TMEM232: variants seen among roughly 807,000 people sequenced by gnomAD.
TMEM232 encodes transmembrane protein 232.
In TMEM232, 80 loss-of-function variants were observed where a neutral mutation model predicts 78.8. The ratio of observed to expected loss-of-function variants is 1.01; its 90% confidence interval spans 0.85 to 1.22. The LOEUF (loss-of-function observed/expected upper bound fraction) is 1.22, where lower values mean the gene tolerates loss of function less well. Among genes scored for constraint, TMEM232 ranks in the 50% most tolerant of loss-of-function variants. TMEM232 has a pLI of 0.00. For missense variants in TMEM232, 881 were observed against 742.2 expected, an observed-to-expected ratio of 1.19 and a Z score of -2.17; for synonymous variants, 297 against 254.3, an observed-to-expected ratio of 1.17 and a Z score of -1.60.
At chr5:110,630,442 A>G (rs779123525) in intron 5 of TMEM232, among the ~76,000 whole-genome samples, 8 of 152,178 alleles carry the variant, frequency 5.3e-5, no homozygotes, top group Non-Finnish European at 8.8e-5. Flanking sequence ...ATCTCGAACT[A>G]TAATCTCACA....
At chr5:110,402,716 T>C (rs1755647554) in intron 2 of TMEM232, among the ~76,000 whole-genome samples, 1 of 152,124 alleles carries the variant, frequency 6.6e-6, no homozygotes, top group Admixed American at 6.6e-5. Context: ...GTTTTTGTTT[T>C]CTTATTCTTT....
intron 2 of TMEM232, among the ~76,000 whole-genome samples, chr5:110,651,484 G>A (rs1025046666): frequency 6.7e-6 from 1 of 149,124 alleles, no homozygotes; most frequent in Non-Finnish European, 1.5e-5. Flanking sequence ...AGGAGGGAGG[G>A]AGGGAAAGAA....
intron 2 of TMEM232, among the ~76,000 whole-genome samples, chr5:110,653,260 A>G (rs368957728): frequency 6.6e-6 from 1 of 152,342 alleles, no homozygotes; most frequent in South Asian, 2.1e-4. Context: ...CAACACTTCC[A>G]TGTCCTATAA....
At chr5:110,588,547 G>A (rs1430230005) in intron 10 of TMEM232, among the ~76,000 whole-genome samples, 1 of 152,098 alleles carries the variant, frequency 6.6e-6, no homozygotes, top group Non-Finnish European at 1.5e-5. Context: ...GGGTGGAGAG[G>A]TGGTGAGGGA....
At chr5:110,505,711 T>C (rs1450396287) in intron 12 of TMEM232, among the ~76,000 whole-genome samples, 1 of 152,122 alleles carries the variant, frequency 6.6e-6, no homozygotes, top group East Asian at 1.9e-4. Flanking sequence ...GGCTTCACCA[T>C]GTTGGCCAGG....
At chr5:110,662,989 T>G (rs1049104330) in intron 2 of TMEM232, among the ~76,000 whole-genome samples, 6 of 152,212 alleles carry the variant, frequency 3.9e-5, no homozygotes, top group South Asian at 2.1e-4. Flanking sequence ...TAAAAATTAA[T>G]AAGTTCTAGT....
chr5:110,418,466 A>G (rs1756354751), downstream of TMEM232, among the ~76,000 whole-genome samples: 4 of 152,280 alleles, frequency 2.6e-5, no homozygotes, highest in South Asian at 8.3e-4. Context: ...ATGTTGCCAA[A>G]TATTAAGAAT....
intron 4 of TMEM232, 77 bp downstream of exon 4, chr5:110,640,814 T>C (rs971642520): frequency 1.9e-6 from 2 of 1,050,926 alleles, no homozygotes; most frequent in African/African-American, 1.7e-5. Flanking sequence ...TTTTTAAAAA[T>C]TAAAGTTCTC....
intron 1 of TMEM232, among the ~76,000 whole-genome samples, chr5:110,711,099 TA>T (rs1796428154): frequency 6.6e-6 from 1 of 152,162 alleles, no homozygotes; most frequent in African/African-American, 2.4e-5. Flanking sequence ...CAAAAATCAG[TA>T]GCATTTCAAT....
downstream of TMEM232, chr5:110,418,278 T>A (rs964944859): frequency 6.6e-6 from 1 of 152,164 alleles, no homozygotes; most frequent in South Asian, 2.1e-4. Flanking sequence ...ACTCTTTACA[T>A]AAATTGTGTC....
chr5:110,537,599 G>GCC (rs1317578622), intron 11 of TMEM232, among the ~76,000 whole-genome samples: 1 of 152,154 alleles, frequency 6.6e-6, no homozygotes, highest in Non-Finnish European at 1.5e-5. Flanking sequence ...CCTCCATACA[G>GCC]CCCCTTGCCA....
intron 12 of TMEM232, among the ~76,000 whole-genome samples, chr5:110,518,199 C>A (rs887461294): frequency 1.3e-5 from 2 of 152,058 alleles, no homozygotes; most frequent in Non-Finnish European, 2.9e-5. Context: ...TGATCTCCAT[C>A]TGGCTTTTTA....
chr5:110,539,571 C>T (rs1342862803), intron 11 of TMEM232, among the ~76,000 whole-genome samples: 4 of 152,106 alleles, frequency 2.6e-5, no homozygotes, highest in Non-Finnish European at 5.9e-5. Flanking sequence ...AATCCTAATA[C>T]CGGAGGAAAA....
upstream of TMEM232, among the ~76,000 whole-genome samples, chr5:110,730,005 A>G (rs1344978178): frequency 6.6e-6 from 1 of 152,204 alleles, no homozygotes; most frequent in African/African-American, 2.4e-5. Context: ...GAGTGCTCTT[A>G]TATAGCACTT....
intron 7 of TMEM232, among the ~76,000 whole-genome samples, chr5:110,624,518 T>C (rs887375872): frequency 6.6e-5 from 10 of 152,140 alleles, no homozygotes; most frequent in African/African-American, 2.4e-4. Flanking sequence ...TTGCTCGATA[T>C]CTTTCATTAT....
intron 8 of TMEM232, among the ~76,000 whole-genome samples, chr5:110,609,628 T>C (rs1233561953): frequency 6.6e-6 from 1 of 151,882 alleles, no homozygotes; most frequent in Non-Finnish European, 1.5e-5. Context: ...GATGATAAAA[T>C]TGGAATACAG....
intron 12 of TMEM232, among the ~76,000 whole-genome samples, chr5:110,474,740 C>T (rs971959444): frequency 1.3e-5 from 2 of 151,862 alleles, no homozygotes; most frequent in East Asian, 3.9e-4. Context: ...AAAATCATTG[C>T]TATTTCTTTG....
At chr5:110,480,880 A>C (rs1763788930) in intron 12 of TMEM232, among the ~76,000 whole-genome samples, 1 of 152,096 alleles carries the variant, frequency 6.6e-6, no homozygotes, top group Admixed American at 6.6e-5. Flanking sequence ...GGTCAGTAGT[A>C]ACAAATAATA....
chr5:110,532,905 T>C (rs979006527), intron 11 of TMEM232, among the ~76,000 whole-genome samples: 2 of 152,176 alleles, frequency 1.3e-5, no homozygotes, highest in Admixed American at 6.5e-5. Flanking sequence ...TTTTAAAGCC[T>C]ATAAACTCTC....
Sources: allele counts gnomAD v4.1 joint callset (sites outside exome capture counted in the v4.1 genomes callset), GRCh38; gene constraint gnomAD v4.1.1; transcripts MANE v1.5; gene names NCBI Gene and HGNC (gene_info 2026-07-23, HGNC 2026-07-21).